Variants in DNAJC1 observed in about 807,000 individuals in gnomAD.
DNAJC1 encodes the protein DnaJ heat shock protein family (Hsp40) member C1, also known as dnaJ homolog subfamily C member 1.
DNAJC1 carries 58 observed loss-of-function variants against 76.6 expected under a neutral mutation model. That is an observed-to-expected ratio of 0.76 (90% CI 0.61 to 0.94). The LOEUF is 0.94. Among genes scored for constraint, DNAJC1 ranks in the 40% least tolerant of loss-of-function variants. The pLI is 0.00. For missense variants in DNAJC1, 689 were observed against 677.3 expected (o/e 1.02, Z -0.19); for synonymous variants, 258 against 267.9 (o/e 0.96, Z 0.36).
Position 21,919,629 on chromosome 10 carries a change from T to G in DNAJC1, c.635+203A>C, listed in dbSNP as rs556269280. On this transcript the variant is annotated intron_variant, in intron 5 of 11. Coordinates refer to ENST00000376980, the MANE Select transcript of DNAJC1 (RefSeq NM_022365.4). The stretch of plus-strand genomic sequence containing the variant: ...GGATTATTTAAATATATAGTCACAC[T>G]TTATATGGGGGAAAAAACCTGAAGA... Among the ~76,000 whole-genome samples the G allele has an allele frequency of 1.1e-4, 17 of 152,050 alleles. No individual in the cohort carries two copies. In the East Asian group the frequency reaches 3.3e-3, roughly 29 times the overall value.
chr10:21,974,940 A>G (rs1838038397), intron 1 of DNAJC1, among the ~76,000 whole-genome samples: 1 of 152,132 alleles, frequency 6.6e-6, no homozygotes, highest in Non-Finnish European at 1.5e-5. Flanking sequence ...ACAAGAAAAA[A>G]TGTTCCCAGA....
intron 8 of DNAJC1, 127 bp from the exon 9 acceptor site, chr10:21,806,226 A>G: frequency 2.0e-6 from 2 of 1,019,878 alleles, no homozygotes; most frequent in Non-Finnish European, 2.8e-6. Context: ...GCTTTCTGTA[A>G]AAAACAATAC....
chr10:21,821,509 T>A (rs1021489743), intron 8 of DNAJC1, among the ~76,000 whole-genome samples: 2 of 152,158 alleles, frequency 1.3e-5, no homozygotes, highest in Non-Finnish European at 2.9e-5. Context: ...GTCGAATGAG[T>A]ATTTTGAGGA....
chr10:21,817,989 T>C (rs1369352685), intron 8 of DNAJC1, among the ~76,000 whole-genome samples: 1 of 152,182 alleles, frequency 6.6e-6, no homozygotes, highest in Non-Finnish European at 1.5e-5. Context: ...AGCATGTGTA[T>C]TTGAACAATA....
At chr10:21,790,010 T>TAAA (rs35639440) in intron 9 of DNAJC1, among the ~76,000 whole-genome samples, 4 of 41,062 alleles carry the variant, frequency 9.7e-5, no homozygotes, top group Non-Finnish European at 1.5e-4. Context: ...GCTCTGTCTT[T>TAAA]AAAAAAAAAA....
chr10:21,934,132 A>G lies in DNAJC1; in HGVS notation c.223-4991T>C, dbSNP rs144003037. Among the ~76,000 whole-genome samples, 5 of 152,174 alleles carry G rather than the reference A, an allele frequency of 3.3e-5. No homozygotes were observed. The East Asian group carries it at 9.6e-4, about 29-fold the overall frequency. ...ACCCTGAAGACCTTCCAATTAAATG[A>G]CATGTGATATTAATGATCATGATCC... On this transcript the variant is annotated intron_variant, in intron 1 of 11. Transcript: ENST00000376980.
chr10:21,958,648 G>C (rs1837734812), intron 1 of DNAJC1, among the ~76,000 whole-genome samples: 1 of 151,920 alleles, frequency 6.6e-6, no homozygotes, highest in Non-Finnish European at 1.5e-5. Flanking sequence ...GGACAGTCTC[G>C]ATCTCCTCAC....
chr10:21,969,461 A>G (rs189346647), intron 1 of DNAJC1, among the ~76,000 whole-genome samples: 4 of 152,310 alleles, frequency 2.6e-5, no homozygotes, highest in Admixed American at 2.6e-4. Context: ...ATAGAGAAAG[A>G]CTGCATGTAG....
chr10:21,952,094 A>C (rs562999557), intron 1 of DNAJC1, among the ~76,000 whole-genome samples: 1 of 152,226 alleles, frequency 6.6e-6, no homozygotes, highest in Non-Finnish European at 1.5e-5. Context: ...TGTTGCCAAC[A>C]TTATTGTTAA....
chr10:21,914,765 T>A (rs1362635100), intron 6 of DNAJC1, among the ~76,000 whole-genome samples: 1 of 152,190 alleles, frequency 6.6e-6, no homozygotes, highest in Non-Finnish European at 1.5e-5. Flanking sequence ...AAGTACTGCA[T>A]CTACAAAATT....
intron 8 of DNAJC1, among the ~76,000 whole-genome samples, chr10:21,876,574 T>C (rs1836191707): frequency 1.3e-5 from 2 of 152,186 alleles, no homozygotes; most frequent in South Asian, 4.1e-4. Context: ...GCATTAAACA[T>C]TTATATGAAA....
intron 8 of DNAJC1, among the ~76,000 whole-genome samples, chr10:21,850,552 T>C (rs1264411833): frequency 6.6e-6 from 1 of 151,532 alleles, no homozygotes; most frequent in Non-Finnish European, 1.5e-5. Flanking sequence ...TTTTTTTACT[T>C]AGTGCTTCCT....
chr10:22,003,298 C>CGCGCCG lies in DNAJC1; in HGVS notation c.131_136dup (p.Pro44_Ala45dup). On this transcript the variant is annotated inframe_insertion, in exon 1 of 12. Transcript: ENST00000376980. Reference sequence around the variant, plus strand: ...CTCCAGGTCTCCGCTCTCCCAGCCGCGCGCCGGCGCCACGGCGGCCAGCAG... The same window carrying CGCGCCG: ...CTCCAGGTCTCCGCTCTCCCAGCCGCGCGCCGGCGCCGGCGCCACGGCGGCCAGCAG... The CGCGCCG allele has an allele frequency of 2.0e-6, 3 of 1,530,284 alleles. No homozygotes were observed. The highest frequency in any genetic ancestry group is 2.6e-6 in the Non-Finnish European group (3 of 1,139,940). The allele number at this position is 1,530,284 out of a possible 1,614,324, so 94.8% of individuals were successfully genotyped here.
In DNAJC1 at chr10:21,811,032, G is replaced by A. The variant is rs746791394; in HGVS notation, c.979-4933C>T. The stretch of plus-strand genomic sequence containing the variant: ...AGCCTCACTGTAACATACAATCTTC[G>A]AGGGCAAGATTGAAACTGCACCCTA... On this transcript the variant is annotated intron_variant, in intron 8 of 11. Coordinates refer to ENST00000376980, the MANE Select transcript of DNAJC1 (RefSeq NM_022365.4). Among the ~76,000 whole-genome samples the A allele has an allele frequency of 4.6e-5, 7 of 152,204 alleles. 1 individual carries two copies. Among genetic ancestry groups the A allele is most frequent in the Admixed American group, 2.0e-4 (3 of 15,292 alleles).
chr10:21,904,667 T>C, intron 6 of DNAJC1, 55 bp from the exon 7 acceptor site: 1 of 1,125,056 alleles, frequency 8.9e-7, no homozygotes. Context: ...GCTTCAATAA[T>C]ATTTTCCATG....
chr10:21,890,479 G>A (rs544829567), intron 7 of DNAJC1, among the ~76,000 whole-genome samples: 1 of 150,572 alleles, frequency 6.6e-6, no homozygotes, highest in African/African-American at 2.4e-5. Context: ...TTTCACAACT[G>A]CCCAATGGTA....
chr10:21,899,397 G>A lies in DNAJC1; in HGVS notation c.820+5125C>T, dbSNP rs573710658. ...CACGAGTTAAGACCCACTGGGGCTC[G>A]GAATTACAGCTGGCCAACAGCAACA... On this transcript the variant is annotated intron_variant, in intron 7 of 11. Transcript: ENST00000376980. 3.9e-5 allele frequency among the ~76,000 whole-genome samples: 6 copies of A among 152,314 alleles called. No homozygotes were observed. In the South Asian group the frequency reaches 6.2e-4, roughly 16 times the overall value.
At chr10:21,940,149 A>T (rs1044391515) in intron 1 of DNAJC1, among the ~76,000 whole-genome samples, 1 of 152,102 alleles carries the variant, frequency 6.6e-6, no homozygotes, top group Non-Finnish European at 1.5e-5. Context: ...TATAAAATTT[A>T]AAATAAATAG....
At chr10:21,813,138 C>A (rs2131647355) in intron 8 of DNAJC1, among the ~76,000 whole-genome samples, 1 of 127,778 alleles carries the variant, frequency 7.8e-6, no homozygotes, top group African/African-American at 3.0e-5. Context: ...CTTGCTCTTT[C>A]TTGGGTTACT....
Sources: allele counts gnomAD v4.1 joint callset (sites outside exome capture counted in the v4.1 genomes callset), GRCh38; gene constraint gnomAD v4.1.1; transcripts MANE v1.5; gene names NCBI Gene and HGNC (gene_info 2026-07-23, HGNC 2026-07-21).